Variants in GRIN2B observed in about 807,000 individuals in gnomAD.
GRIN2B encodes glutamate ionotropic receptor NMDA type subunit 2B.
A neutral mutation model predicts 114.5 loss-of-function variants in GRIN2B; 5 were observed. The ratio of observed to expected loss-of-function variants is 0.04; its 90% CI spans 0.02 to 0.09. The LOEUF (loss-of-function observed/expected upper bound fraction) is 0.09. Among genes scored for constraint, GRIN2B ranks in the 10% least tolerant of loss-of-function variants. The pLI, the probability that GRIN2B is intolerant of heterozygous loss-of-function variation, is 1.00. For missense variants in GRIN2B, 1,108 were observed against 1,943.5 expected, an observed-to-expected ratio of 0.57 and a Z score of 8.08; for synonymous variants, 787 against 745.1, an observed-to-expected ratio of 1.06 and a Z score of -0.92.
chr12:13,870,209 CTTACTAGTCATGTAGA>C (rs945370244), intron 2 of GRIN2B, among the ~76,000 whole-genome samples: 2 of 152,148 alleles, frequency 1.3e-5, no homozygotes, highest in African/African-American at 4.8e-5. Context: ...CCACTGACAG[CTTACTAGTCATGTAGA>C]TGAATTCAAT....
At chr12:13,898,829 T>C (rs1407614377) in intron 2 of GRIN2B, among the ~76,000 whole-genome samples, 1 of 152,218 alleles carries the variant, frequency 6.6e-6, no homozygotes, top group East Asian at 1.9e-4. Context: ...AAGAATTGCT[T>C]GAACCCAGGA....
At chr12:13,678,696 C>T (rs1195055586) in intron 4 of GRIN2B, among the ~76,000 whole-genome samples, 1 of 152,036 alleles carries the variant, frequency 6.6e-6, no homozygotes, top group East Asian at 1.9e-4. Context: ...CACCCAAGCC[C>T]ATCATTAGTG....
At chr12:13,911,665 T>C (rs1866629329) in intron 2 of GRIN2B, among the ~76,000 whole-genome samples, 1 of 152,072 alleles carries the variant, frequency 6.6e-6, no homozygotes, top group Admixed American at 6.5e-5. Context: ...GGGGTCTCCC[T>C]CCAGCCTAGT....
chr12:13,775,345 C>T (rs2136649970), intron 3 of GRIN2B, among the ~76,000 whole-genome samples: 2 of 152,296 alleles, frequency 1.3e-5, no homozygotes, highest in East Asian at 3.9e-4. Flanking sequence ...ACTCCATCAT[C>T]TACAGGCTGT....
intron 10 of GRIN2B, among the ~76,000 whole-genome samples, chr12:13,588,944 C>T (rs1181474953): frequency 6.6e-6 from 1 of 152,100 alleles, no homozygotes. Context: ...TTGTATTTAC[C>T]ATCCTATTTT....
chr12:13,923,184 A>C (rs536683469), intron 2 of GRIN2B, among the ~76,000 whole-genome samples: 13 of 152,292 alleles, frequency 8.5e-5, no homozygotes, highest in African/African-American at 2.9e-4. Flanking sequence ...TAGGGTATGC[A>C]TTCTGTTTAT....
At chr12:13,606,165 G>C (rs1054260805) in intron 10 of GRIN2B, among the ~76,000 whole-genome samples, 1 of 152,180 alleles carries the variant, frequency 6.6e-6, no homozygotes, top group Non-Finnish European at 1.5e-5. Flanking sequence ...AGGGTGGTGC[G>C]TTAGTGCATT....
intron 3 of GRIN2B, among the ~76,000 whole-genome samples, chr12:13,757,089 C>A (rs1045835528): frequency 3.9e-5 from 6 of 152,160 alleles, no homozygotes; most frequent in African/African-American, 1.4e-4. Context: ...TCCTCTGCTC[C>A]GATTGATGCC....
chr12:13,582,713 G>A (rs1372596166), intron 10 of GRIN2B, among the ~76,000 whole-genome samples: 1 of 151,930 alleles, frequency 6.6e-6, no homozygotes, highest in Non-Finnish European at 1.5e-5. Flanking sequence ...TCAACGTGGA[G>A]CTGGGGTTCT....
intron 4 of GRIN2B, among the ~76,000 whole-genome samples, chr12:13,689,829 C>T (rs935184523): frequency 6.6e-6 from 1 of 152,184 alleles, no homozygotes; most frequent in African/African-American, 2.4e-5. Flanking sequence ...CCCTGACAAA[C>T]ATTATTTACA....
intron 2 of GRIN2B, among the ~76,000 whole-genome samples, chr12:13,974,778 AC>A (rs1383859778): frequency 6.6e-6 from 1 of 152,184 alleles, no homozygotes; most frequent in Non-Finnish European, 1.5e-5. Flanking sequence ...CCTGGCAGGT[AC>A]AGACAGAGCT....
intron 3 of GRIN2B, among the ~76,000 whole-genome samples, chr12:13,779,931 C>T (rs539489233): frequency 5.9e-5 from 9 of 152,270 alleles, no homozygotes; most frequent in East Asian, 1.9e-4. Context: ...CAGAATAAAA[C>T]GTCAATAAAT....
In GRIN2B at chr12:13,550,731, T is replaced by A. The variant is rs1198917385; in HGVS notation, c.*12052A>T. 1 of 152,138 alleles carries A rather than the reference T, an allele frequency of 6.6e-6. No individual in the cohort carries two copies. The highest frequency in any genetic ancestry group is 2.4e-5 in the African/African-American group (1 of 41,422). The allele number at this position is 152,138 out of a possible 1,614,324, so 9.4% of individuals were successfully genotyped here. A position where few individuals can be genotyped will look rare whatever the true frequency, so the allele number is the denominator to read the frequency against. On this transcript the variant is annotated 3_prime_UTR_variant, in exon 14 of 14. Coordinates refer to ENST00000609686, the MANE Select transcript of GRIN2B (RefSeq NM_000834.5). ...TGTACAGCAGGCCCCATCCTAGTCA[T>A]TAAAATGCAGTGGGATTGACTGTGC...
intron 3 of GRIN2B, among the ~76,000 whole-genome samples, chr12:13,831,523 T>G (rs573625988): frequency 3.9e-5 from 6 of 152,220 alleles, no homozygotes; most frequent in Non-Finnish European, 2.9e-5. Context: ...GAGAGGGAGA[T>G]TAGCATAATG....
At chr12:13,942,536 C>T (rs546973607) in intron 2 of GRIN2B, among the ~76,000 whole-genome samples, 1 of 152,228 alleles carries the variant, frequency 6.6e-6, no homozygotes, top group Middle Eastern at 3.4e-3. Flanking sequence ...CTTTTAGTTG[C>T]TGTACAAATA....
chr12:13,937,731 A>G (rs1367547111), intron 2 of GRIN2B, among the ~76,000 whole-genome samples: 1 of 152,180 alleles, frequency 6.6e-6, no homozygotes, highest in East Asian at 1.9e-4. Context: ...TATAATTTAC[A>G]GAAGATAACA....
At chr12:13,973,266 A>G (rs7962558) in intron 2 of GRIN2B, among the ~76,000 whole-genome samples, 4,592 of 152,262 alleles carry the variant, frequency 0.03, 227 homozygotes, top group African/African-American at 0.1. Context: ...GTCTATATAA[A>G]GATTAATGGG....
intron 3 of GRIN2B, among the ~76,000 whole-genome samples, chr12:13,808,111 C>T (rs555898737): frequency 1.4e-3 from 210 of 152,152 alleles, no homozygotes; most frequent in Admixed American, 2.4e-3. Context: ...CTGAGAAAGC[C>T]ATAAAGATTG....
At chr12:13,876,414 A>G (rs546772184) in intron 2 of GRIN2B, among the ~76,000 whole-genome samples, 5 of 152,298 alleles carry the variant, frequency 3.3e-5, no homozygotes, top group East Asian at 3.9e-4. Context: ...GTTGACTCCA[A>G]TTACTTAGAA....
Sources: allele counts gnomAD v4.1 joint callset (sites outside exome capture counted in the v4.1 genomes callset), GRCh38; gene constraint gnomAD v4.1.1; transcripts MANE v1.5; gene names NCBI Gene and HGNC (gene_info 2026-07-23, HGNC 2026-07-21).